NFIA: variants seen among roughly 807,000 people sequenced by gnomAD.
The protein encoded by NFIA is nuclear factor 1 A-type.
NFIA carries 8 observed loss-of-function variants against 62.8 expected under a neutral mutation model. The ratio of observed to expected loss-of-function variants is 0.13; its 90% CI spans 0.07 to 0.23. The LOEUF is 0.23. Ranked by LOEUF, NFIA falls within the 10% of genes least tolerant of loss-of-function variation. NFIA has a pLI of 1.00. For missense variants in NFIA, 410 were observed against 642.1 expected, an observed-to-expected ratio of 0.64 and a Z score of 3.91; for synonymous variants, 235 against 238.1, an observed-to-expected ratio of 0.99 and a Z score of 0.12.
intron 5 of NFIA, among the ~76,000 whole-genome samples, chr1:61,354,129 G>A (rs994725067): frequency 3.9e-5 from 6 of 151,962 alleles, no homozygotes; most frequent in Non-Finnish European, 8.8e-5. Context: ...ATTATCTTTT[G>A]TGACTCTCTG....
At chr1:61,170,785 G>A (rs1649910111) in intron 2 of NFIA, among the ~76,000 whole-genome samples, 2 of 152,188 alleles carry the variant, frequency 1.3e-5, no homozygotes, top group Admixed American at 1.3e-4. Flanking sequence ...TTTAACGGCT[G>A]GACACTTATC....
At position 61,330,443 on chromosome 1, in the gene NFIA, C is replaced by CCCCCCCA. The variant is rs554691317; in HGVS notation, c.626-2068_626-2067insCCCCCAC. Among the ~76,000 whole-genome samples the CCCCCCCA allele has an allele frequency of 6.7e-4, 61 of 90,724 alleles. 2 individuals are homozygous for CCCCCCCA. Among genetic ancestry groups the CCCCCCCA allele is most frequent in the African/African-American group, 1.6e-3 (51 of 31,646 alleles). 59.5% of individuals were successfully genotyped at this position (90,724 alleles called of 152,430 possible). Reference sequence around the variant, plus strand: ...AACTTAGGAAATAGATACACCCCCCCCACACACACACACACACGCACACAT... The same window carrying CCCCCCCA: ...AACTTAGGAAATAGATACACCCCCCCCCCCCCACACACACACACACACACGCACACAT... On this transcript the variant is annotated intron_variant, in intron 3 of 10. Transcript: ENST00000403491.
In NFIA at chr1:61,459,869, T is replaced by C. The variant is rs1271756798; in HGVS notation, c.*4549T>C. ...TCTAAGAATGTCATTTAATGTACTTTGCATCATGTCTCTAGAAATATCTTT... is the reference window on the plus strand; with the variant it reads ...TCTAAGAATGTCATTTAATGTACTTCGCATCATGTCTCTAGAAATATCTTT... On this transcript the variant is annotated 3_prime_UTR_variant, in exon 11 of 11. Transcript: ENST00000403491. 1 of 152,240 alleles carries C rather than the reference T, an allele frequency of 6.6e-6. No individual in the cohort carries two copies. The highest frequency in any genetic ancestry group is 2.4e-5 in the African/African-American group (1 of 41,466). 9.4% of individuals were successfully genotyped at this position (152,240 alleles called of 1,614,324 possible). A position where few individuals can be genotyped will look rare whatever the true frequency, so the allele number is the denominator to read the frequency against.
At chr1:61,210,242 A>G (rs950056220) in intron 2 of NFIA, among the ~76,000 whole-genome samples, 1 of 152,244 alleles carries the variant, frequency 6.6e-6, no homozygotes, top group Non-Finnish European at 1.5e-5. Flanking sequence ...TGCAAAAGGA[A>G]GGTTGGTAAG....
At chr1:61,132,224 G>A (rs1055706222) in intron 2 of NFIA, among the ~76,000 whole-genome samples, 3 of 152,230 alleles carry the variant, frequency 2.0e-5, no homozygotes, top group South Asian at 2.1e-4. Context: ...AGCACTGAAC[G>A]TCAAGCCAGC....
chr1:61,381,478 T>A (rs531648814), intron 6 of NFIA, among the ~76,000 whole-genome samples: 4 of 152,306 alleles, frequency 2.6e-5, no homozygotes, highest in East Asian at 3.9e-4. Flanking sequence ...GTCACTTAAT[T>A]ACTTCATTTT....
intron 2 of NFIA, among the ~76,000 whole-genome samples, chr1:61,266,980 A>AAT (rs1657213630): frequency 1.3e-5 from 2 of 152,174 alleles, no homozygotes; most frequent in African/African-American, 4.8e-5. Context: ...GTTGAGGTTC[A>AAT]GGGAGGTAAA....
intron 2 of NFIA, among the ~76,000 whole-genome samples, chr1:61,114,953 T>C (rs1646771411): frequency 6.6e-6 from 1 of 152,144 alleles, no homozygotes; most frequent in Non-Finnish European, 1.5e-5. Context: ...TAAGTGAATA[T>C]ATATATATTT....
chr1:61,238,747 G>A (rs547539878), intron 2 of NFIA, among the ~76,000 whole-genome samples: 2 of 152,222 alleles, frequency 1.3e-5, no homozygotes, highest in South Asian at 2.1e-4. Context: ...TAGCGTGGTC[G>A]ATAGTTGGTT....
rs79387335 is a variant in NFIA at position 61,252,656 on chromosome 1, G to A, written c.560-24864G>A. 4.6e-3 allele frequency among the ~76,000 whole-genome samples: 699 copies of A among 152,230 alleles called. 5 individuals carry two copies. Among genetic ancestry groups the A allele is most frequent in the East Asian group, 0.018 (94 of 5,190 alleles). On this transcript the variant is annotated intron_variant, in intron 2 of 10. Coordinates refer to ENST00000403491, the MANE Select transcript of NFIA (RefSeq NM_001134673.4). ...ATCTTTTATGATGCATTATAGATACGCATTATATAAGAAAGATGCTGTGGA... is the reference window on the plus strand; with the variant it reads ...ATCTTTTATGATGCATTATAGATACACATTATATAAGAAAGATGCTGTGGA...
chr1:61,211,260 A>G (rs2151185), intron 2 of NFIA, among the ~76,000 whole-genome samples: 8,379 of 152,292 alleles, frequency 0.055, 471 homozygotes, highest in East Asian at 0.28. Context: ...TTACAGTACC[A>G]GAAGTTATGT....
At chr1:61,329,685 T>C (rs1463251413) in intron 3 of NFIA, among the ~76,000 whole-genome samples, 1 of 152,170 alleles carries the variant, frequency 6.6e-6, no homozygotes. Flanking sequence ...TTTTACATGT[T>C]TTTAGCTGTT....
At chr1:61,403,979 T>C in intron 7 of NFIA, 125 bp from the exon 8 acceptor site, 1 of 1,118,806 alleles carries the variant, frequency 8.9e-7, no homozygotes, top group South Asian at 1.5e-5. Context: ...CAGTGTTAAA[T>C]TCAGTCACAT....
Position 61,252,358 on chromosome 1 carries a change from T to C in NFIA, c.560-25162T>C, listed in dbSNP as rs182265585. Among the ~76,000 whole-genome samples, 5 of 152,358 alleles carry C rather than the reference T, an allele frequency of 3.3e-5. No individual in the cohort carries two copies. In the East Asian group the frequency reaches 5.8e-4, roughly 18 times the overall value. ...AGTTGTGTTATTCCGGACCTGTTTA[T>C]ACTAGTCTTATTTGTATCACCATTG... On this transcript the variant is annotated intron_variant, in intron 2 of 10. Transcript: ENST00000403491.
rs184391301 is a variant in NFIA, at chr1:61,300,945, A to C, written c.625+23360A>C. On this transcript the variant is annotated intron_variant, in intron 3 of 10. Transcript: ENST00000403491. ...AAAATCAGAGAAAAAGAATTGAACAAAGGTTCTACCATATGGTTCTACATA... is the reference window on the plus strand; with the variant it reads ...AAAATCAGAGAAAAAGAATTGAACACAGGTTCTACCATATGGTTCTACATA... 5.1e-4 allele frequency among the ~76,000 whole-genome samples: 77 copies of C among 152,230 alleles called. 2 individuals are homozygous for C. In the East Asian group the frequency reaches 0.013, roughly 25 times the overall value.
intron 10 of NFIA, among the ~76,000 whole-genome samples, chr1:61,444,529 T>C (rs1006862942): frequency 1.3e-5 from 2 of 152,222 alleles, no homozygotes; most frequent in East Asian, 3.9e-4. Context: ...AGGAGTGTTT[T>C]ATTTAGTTTA....
intron 2 of NFIA, among the ~76,000 whole-genome samples, chr1:61,089,076 T>A (rs1646271081): frequency 6.6e-6 from 1 of 152,222 alleles, no homozygotes; most frequent in Admixed American, 6.5e-5. Context: ...GGTTTTCTGC[T>A]GGGAGTGTTT....
At chr1:61,348,196 G>C (rs768268939) in intron 4 of NFIA, among the ~76,000 whole-genome samples, 1 of 152,150 alleles carries the variant, frequency 6.6e-6, no homozygotes, top group African/African-American at 2.4e-5. Context: ...TTTCTCTTTG[G>C]CTGTGACAGT....
chr1:61,370,777 G>T (rs1663840843), intron 6 of NFIA, among the ~76,000 whole-genome samples: 1 of 152,138 alleles, frequency 6.6e-6, no homozygotes, highest in South Asian at 2.1e-4. Flanking sequence ...CCCACACTTT[G>T]ATGATTTACT....
Sources: gnomAD v4.1 joint callset for allele counts (sites outside exome capture counted in the v4.1 genomes callset) on GRCh38, gnomAD v4.1.1 for gene constraint, MANE v1.5 for transcripts, NCBI Gene and HGNC (gene_info 2026-07-23, HGNC 2026-07-21) for gene names.